The following XRN1 variants were observed in gnomAD, a reference collection of about 807,000 sequenced individuals.
The protein encoded by XRN1 is strand-exchange protein 1 homolog.
In XRN1, 67 loss-of-function variants were observed where a neutral mutation model predicts 222.3. The ratio of observed to expected loss-of-function variants is 0.30; its 90% CI spans 0.25 to 0.37. The LOEUF (loss-of-function observed/expected upper bound fraction) is 0.37. Among genes scored for constraint, XRN1 ranks in the 10% least tolerant of loss-of-function variants. The pLI, the probability that XRN1 is intolerant of heterozygous loss-of-function variation, is 1.00. For synonymous variants in XRN1, 643 were observed against 652.4 expected (o/e 0.99, Z 0.22); for missense variants, 1,707 against 2,000.2 (o/e 0.85, Z 2.80).
chr3:142,403,849 T>C lies in XRN1; in HGVS notation c.2004+20A>G. 1 of 1,612,038 alleles carries C rather than the reference T, an allele frequency of 6.2e-7. No individual in the cohort carries two copies. Among genetic ancestry groups the C allele is most frequent in the Middle Eastern group, 1.7e-4 (1 of 6,046 alleles). On this transcript the variant is annotated intron_variant, in intron 17 of 40. Coordinates refer to ENST00000392981, the MANE Select transcript of XRN1 (RefSeq NM_001282857.2). ...CACACTTAATAAAGTGAAAAAATTC[T>C]GAACTAAATAGCCACTGACTTTGTG...
At position 142,335,522 on chromosome 3, in the gene XRN1, A is replaced by T. The variant is rs762909333; in HGVS notation, c.3878-13T>A. On this transcript the variant is annotated splice_polypyrimidine_tract_variant and intron_variant, in intron 33 of 40. Coordinates refer to ENST00000392981, the MANE Select transcript of XRN1 (RefSeq NM_001282857.2). ...CACTCTTCTTTAACTAGAGACAAGA[A>T]AACAGAAATTTTCATAAATGGAAGT... 6 of 1,609,928 alleles carry T rather than the reference A, an allele frequency of 3.7e-6. No individual in the cohort carries two copies. The African/African-American group carries it at 5.4e-5, about 14-fold the overall frequency.
intron 34 of XRN1, among the ~76,000 whole-genome samples, chr3:142,334,038 C>T (rs1577238303): frequency 6.6e-6 from 1 of 152,128 alleles, no homozygotes; most frequent in African/African-American, 2.4e-5. Context: ...AAAACCACAA[C>T]AGTGGTGATT....
At chr3:142,383,077 A>T (rs902038570) in intron 22 of XRN1, among the ~76,000 whole-genome samples, 55 of 152,204 alleles carry the variant, frequency 3.6e-4, no homozygotes, top group African/African-American at 9.4e-4. Context: ...TGAACACACC[A>T]CCTCTTGATC....
chr3:142,352,503 T>G (rs538658321), intron 32 of XRN1, among the ~76,000 whole-genome samples: 17 of 152,312 alleles, frequency 1.1e-4, no homozygotes, highest in Non-Finnish European at 2.1e-4. Context: ...ATTTTATTAT[T>G]TATATTTATT....
chr3:142,311,949 G>A (rs372167306), intron 40 of XRN1, 136 bp from the exon 41 acceptor site: 1 of 906,638 alleles, frequency 1.1e-6, no homozygotes, highest in South Asian at 2.0e-5. Context: ...TAATTGCCAA[G>A]TAAGACTTTA....
intron 12 of XRN1, 38 bp downstream of exon 12, chr3:142,418,466 T>C (rs781038036): frequency 6.7e-7 from 1 of 1,490,892 alleles, no homozygotes; most frequent in Non-Finnish European, 9.2e-7. Context: ...AAATCTAATT[T>C]TTTCTATTTT....
intron 37 of XRN1, among the ~76,000 whole-genome samples, chr3:142,323,838 A>G (rs975488016): frequency 1.3e-5 from 2 of 151,434 alleles, no homozygotes; most frequent in African/African-American, 4.8e-5. Context: ...TTCTAACTAA[A>G]TTTTTTAAGT....
chr3:142,327,964 A>G (rs2065567843), intron 37 of XRN1, among the ~76,000 whole-genome samples: 1 of 152,202 alleles, frequency 6.6e-6, no homozygotes, highest in Non-Finnish European at 1.5e-5. Context: ...TAATGGCCTC[A>G]GTTCCATCCA....
chr3:142,356,011 T>C (rs2066457572), intron 31 of XRN1, among the ~76,000 whole-genome samples: 1 of 152,184 alleles, frequency 6.6e-6, no homozygotes, highest in African/African-American at 2.4e-5. Context: ...GTGAAACTGG[T>C]GTTCTTTATA....
intron 37 of XRN1, among the ~76,000 whole-genome samples, chr3:142,323,306 T>TA (rs2065415356): frequency 6.6e-6 from 1 of 151,498 alleles, no homozygotes; most frequent in East Asian, 1.9e-4. Flanking sequence ...TTTTTTTTTT[T>TA]AAATGGAGTT....
At chr3:142,317,133 A>C (rs1297675901) in intron 39 of XRN1, among the ~76,000 whole-genome samples, 1 of 152,118 alleles carries the variant, frequency 6.6e-6, no homozygotes, top group Non-Finnish European at 1.5e-5. Flanking sequence ...TCTTAGGACC[A>C]CCTTTTTATC....
intron 33 of XRN1, among the ~76,000 whole-genome samples, chr3:142,341,125 A>T (rs1466965452): frequency 6.6e-6 from 1 of 152,208 alleles, no homozygotes; most frequent in African/African-American, 2.4e-5. Flanking sequence ...AGATATAAAT[A>T]GAAACAGCAA....
intron 40 of XRN1, among the ~76,000 whole-genome samples, chr3:142,312,347 G>A (rs1171341955): frequency 6.6e-6 from 1 of 151,970 alleles, no homozygotes; most frequent in Non-Finnish European, 1.5e-5. Context: ...AAATATTTGT[G>A]ATTTTATTTA....
At chr3:142,435,545 AG>A (rs1180795982) in intron 1 of XRN1, among the ~76,000 whole-genome samples, 1 of 149,772 alleles carries the variant, frequency 6.7e-6, no homozygotes, top group East Asian at 2.0e-4. Context: ...GGATCACTTG[AG>A]GTCAGGAGTT....
rs36045093 is a variant in XRN1, at chr3:142,351,905, T to TA, written c.3768+3495dup. ...AGAAGAAGAACATTTTTTTTTAAGT[T>TA]AAAAAAAAAAAAAAGGTCCCAGAAT... On this transcript the variant is annotated intron_variant, in intron 32 of 40. Coordinates refer to ENST00000392981, the MANE Select transcript of XRN1 (RefSeq NM_001282857.2). Among the ~76,000 whole-genome samples the TA allele has an allele frequency of 7.2e-3, 984 of 137,234 alleles. 11 individuals are homozygous for TA. Among genetic ancestry groups the TA allele is most frequent in the African/African-American group, 0.023 (874 of 37,286 alleles). The allele number at this position is 137,234 out of a possible 152,430, so 90.0% of individuals were successfully genotyped here. A position where few individuals can be genotyped will look rare whatever the true frequency, so the allele number is the denominator to read the frequency against.
chr3:142,359,751 T>C, intron 30 of XRN1, 111 bp downstream of exon 30: 1 of 711,632 alleles, frequency 1.4e-6, no homozygotes, highest in East Asian at 2.9e-5. Context: ...TAGTAGCAAG[T>C]ACGTCTTACA....
intron 32 of XRN1, among the ~76,000 whole-genome samples, chr3:142,351,115 C>T (rs2066292273): frequency 6.6e-6 from 1 of 152,068 alleles, no homozygotes; most frequent in Admixed American, 6.5e-5. Flanking sequence ...ATCTATCTGT[C>T]TATAATTATC....
chr3:142,343,222 G>A (rs1184869610), intron 33 of XRN1, among the ~76,000 whole-genome samples: 3 of 152,086 alleles, frequency 2.0e-5, no homozygotes, highest in Non-Finnish European at 2.9e-5. Context: ...TTGGGAGGCC[G>A]AGGCATGTGG....
chr3:142,325,280 T>C (rs1304501509), intron 37 of XRN1, among the ~76,000 whole-genome samples: 2 of 152,198 alleles, frequency 1.3e-5, no homozygotes, highest in Middle Eastern at 3.2e-3. Flanking sequence ...ATTGGAGATA[T>C]ATCATTGTAG....
Sources: gnomAD v4.1 joint callset for allele counts (sites outside exome capture counted in the v4.1 genomes callset) on GRCh38, gnomAD v4.1.1 for gene constraint, MANE v1.5 for transcripts, NCBI Gene and HGNC (gene_info 2026-07-23, HGNC 2026-07-21) for gene names.